ARHGAP22: variants seen among roughly 807,000 people sequenced by gnomAD.
ARHGAP22 encodes Rho GTPase activating protein 22.
In ARHGAP22, 48 loss-of-function variants were observed where a neutral mutation model predicts 59.1. The ratio of observed to expected loss-of-function variants is 0.81; its 90% CI spans 0.64 to 1.03. ARHGAP22 has a LOEUF of 1.03. ARHGAP22 is among the 50% of genes least tolerant of loss of function. ARHGAP22 has a pLI of 0.00. For synonymous variants in ARHGAP22, 445 were observed against 416.4 expected (o/e 1.07, Z -0.84); for missense variants, 1,015 against 958.7 (o/e 1.06, Z -0.78).
At chr10:48,634,749 C>T (rs1171872524) in intron 1 of ARHGAP22, among the ~76,000 whole-genome samples, 3 of 152,106 alleles carry the variant, frequency 2.0e-5, no homozygotes, top group Non-Finnish European at 2.9e-5. Context: ...GAAGCCTAAC[C>T]CCCACCGCCC....
chr10:48,479,933 T>C (rs947548852), intron 3 of ARHGAP22, among the ~76,000 whole-genome samples, 169 bp from the exon 4 acceptor site: 1 of 152,048 alleles, frequency 6.6e-6, no homozygotes, highest in African/African-American at 2.4e-5. Flanking sequence ...TCATATCTCT[T>C]TCTTTGGAGT....
the ARHGAP22 span, chr10:48,434,949 A>T: frequency 1.3e-6 from 2 of 1,579,620 alleles, no homozygotes; most frequent in East Asian, 2.4e-5. Context: ...TGTGTCTTCA[A>T]TGTCAACAGA....
intron 1 of ARHGAP22, among the ~76,000 whole-genome samples, chr10:48,649,714 A>G (rs2062470493): frequency 6.6e-6 from 1 of 152,110 alleles, no homozygotes; most frequent in Non-Finnish European, 1.5e-5. Context: ...TGAGGCCCAC[A>G]GTGATGGAGC....
At chr10:48,500,125 G>T (rs538744409) in intron 3 of ARHGAP22, among the ~76,000 whole-genome samples, 86 of 152,264 alleles carry the variant, frequency 5.6e-4, no homozygotes, top group African/African-American at 2.0e-3. Flanking sequence ...ACTGTTTGAG[G>T]CTAGGAGTTC....
intron 3 of ARHGAP22, among the ~76,000 whole-genome samples, chr10:48,520,520 G>A (rs1460153683): frequency 6.6e-6 from 1 of 152,190 alleles, no homozygotes; most frequent in Non-Finnish European, 1.5e-5. Context: ...AGGACAAAGG[G>A]GATTCAGGGC....
intron 1 of ARHGAP22, among the ~76,000 whole-genome samples, chr10:48,610,412 T>C (rs1044727836): frequency 6.6e-6 from 1 of 152,120 alleles, no homozygotes; most frequent in African/African-American, 2.4e-5. Flanking sequence ...GCATGATTTC[T>C]AGAGTCATTC....
At chr10:48,483,579 G>A (rs185022116) in intron 3 of ARHGAP22, among the ~76,000 whole-genome samples, 7 of 148,724 alleles carry the variant, frequency 4.7e-5, no homozygotes, top group Admixed American at 4.7e-4. Flanking sequence ...TATTTTTTTT[G>A]TGTTTTTTAT....
chr10:48,476,243 C>T (rs2048724439), intron 4 of ARHGAP22, among the ~76,000 whole-genome samples: 1 of 152,200 alleles, frequency 6.6e-6, no homozygotes, highest in South Asian at 2.1e-4. Flanking sequence ...ATGAGAGGCA[C>T]TCCAGCTGTG....
In ARHGAP22 at chr10:48,584,610, C is replaced by T. The variant is rs193284950; in HGVS notation, c.35-1458G>A. ...CCTCGTTACTGTGGGGGGCAAGGAA[C>T]AGACGTAAGTCATGGTGGTCAAATA... is the stretch of plus-strand genomic sequence containing the variant. On this transcript the variant is annotated intron_variant, in intron 1 of 9. Coordinates refer to ENST00000249601, the MANE Select transcript of ARHGAP22 (RefSeq NM_021226.4). 2.4e-3 allele frequency among the ~76,000 whole-genome samples: 367 copies of T among 152,344 alleles called. 1 individual carries two copies. Among genetic ancestry groups the T allele is most frequent in the African/African-American group, 8.3e-3 (346 of 41,574 alleles).
intron 2 of ARHGAP22, among the ~76,000 whole-genome samples, chr10:48,578,643 A>G (rs1185722768): frequency 1.3e-5 from 2 of 151,090 alleles, no homozygotes; most frequent in African/African-American, 2.4e-5. Flanking sequence ...TTGCTTTAGC[A>G]TTATTGACAG....
At chr10:48,599,086 G>A (rs762740532) in intron 1 of ARHGAP22, among the ~76,000 whole-genome samples, 3 of 152,212 alleles carry the variant, frequency 2.0e-5, no homozygotes, top group Non-Finnish European at 4.4e-5. Flanking sequence ...GATAATGCAT[G>A]TGACTGCACA....
chr10:48,589,246 C>T (rs137984872), intron 1 of ARHGAP22, among the ~76,000 whole-genome samples: 2 of 152,270 alleles, frequency 1.3e-5, no homozygotes, highest in African/African-American at 4.8e-5. Context: ...CACTATTAAT[C>T]ACCCTCTGCT....
intron 3 of ARHGAP22, among the ~76,000 whole-genome samples, chr10:48,520,310 G>A (rs1469561371): frequency 6.6e-6 from 1 of 152,210 alleles, no homozygotes; most frequent in African/African-American, 2.4e-5. Flanking sequence ...AGCAGGGCAG[G>A]GCTGCCTTCA....
chr10:48,449,707 C>T (rs545202720), intron 9 of ARHGAP22, among the ~76,000 whole-genome samples: 1 of 152,374 alleles, frequency 6.6e-6, no homozygotes, highest in Admixed American at 6.5e-5. Context: ...GGCTGGAACT[C>T]TGGCCCTCTG....
At chr10:48,448,051 A>T (rs1366034236) in intron 9 of ARHGAP22, among the ~76,000 whole-genome samples, 2 of 150,956 alleles carry the variant, frequency 1.3e-5, no homozygotes, top group African/African-American at 4.9e-5. Context: ...TCGGCATGGC[A>T]CCCAGGTGCA....
chr10:48,614,603 A>C (rs562790281), intron 1 of ARHGAP22, among the ~76,000 whole-genome samples: 1 of 152,330 alleles, frequency 6.6e-6, no homozygotes, highest in African/African-American at 2.4e-5. Context: ...ACAACAACAA[A>C]AAAGTGACAA....
At chr10:48,611,013 A>G (rs2135966553) in intron 1 of ARHGAP22, among the ~76,000 whole-genome samples, 1 of 152,276 alleles carries the variant, frequency 6.6e-6, no homozygotes, top group East Asian at 1.9e-4. Flanking sequence ...GCCTCTGTAA[A>G]TGTTGGATTC....
the ARHGAP22 span, chr10:48,437,613 T>C: frequency 6.6e-6 from 1 of 152,206 alleles, no homozygotes; most frequent in Non-Finnish European, 1.5e-5. Context: ...ACCATTGTGT[T>C]GTTGGGATCA....
At chr10:48,576,250 C>T (rs2058704762) in intron 2 of ARHGAP22, among the ~76,000 whole-genome samples, 1 of 152,176 alleles carries the variant, frequency 6.6e-6, no homozygotes, top group Admixed American at 6.5e-5. Context: ...CAAGAACCTC[C>T]AATATGCCAG....
Sources: allele counts gnomAD v4.1 joint callset (sites outside exome capture counted in the v4.1 genomes callset), GRCh38; gene constraint gnomAD v4.1.1; transcripts MANE v1.5; gene names NCBI Gene and HGNC (gene_info 2026-07-23, HGNC 2026-07-21).